The following CCT4 variants were observed in gnomAD, a reference collection of about 807,000 sequenced individuals.
CCT4 encodes the protein T-complex protein 1 subunit delta.
A neutral mutation model predicts 62.5 loss-of-function variants in CCT4; 17 were observed. That is an observed-to-expected ratio of 0.27 (90% CI 0.19 to 0.41). The LOEUF (loss-of-function observed/expected upper bound fraction) is 0.41, where lower values mean the gene tolerates loss of function less well. Among genes scored for constraint, CCT4 ranks in the 10% least tolerant of loss-of-function variants. The pLI is 1.00. For missense variants in CCT4, 592 were observed against 659.2 expected (o/e 0.90, Z 1.12); for synonymous variants, 250 against 229.9 (o/e 1.09, Z -0.79).
intron 12 of CCT4, among the ~76,000 whole-genome samples, chr2:61,871,875 GATTTA>G (rs1389958884): frequency 3.9e-5 from 6 of 152,200 alleles, no homozygotes; most frequent in Non-Finnish European, 7.4e-5. Context: ...GTAAGTGGCA[GATTTA>G]ATGAACAAAT....
chr2:61,878,753 A>G lies in CCT4; in HGVS notation c.522+116T>C, dbSNP rs189885985. The G allele has an allele frequency of 4.6e-4, 300 of 650,524 alleles. 1 individual carries two copies. Among genetic ancestry groups the G allele is most frequent in the African/African-American group, 4.0e-3 (217 of 54,678 alleles). The allele number at this position is 650,524 out of a possible 1,614,324, so 40.3% of individuals were successfully genotyped here. On this transcript the variant is annotated intron_variant, in intron 5 of 13. Transcript: ENST00000394440. ...TTAAACCAATTCAATTATACAGATT[A>G]TAACAGTTACCTAGCCACTCTTGAG...
chr2:61,888,527 G>A lies in CCT4; in HGVS notation c.-20C>T. On this transcript the variant is annotated 5_prime_UTR_variant, in exon 1 of 14. Transcript: ENST00000394440. Reference sequence around the variant, plus strand: ...GGGCATGGCAAACTCCGCTGTGTCTGGGTTGGCTCGGGAAGGACGGATGGA... The same window carrying A: ...GGGCATGGCAAACTCCGCTGTGTCTAGGTTGGCTCGGGAAGGACGGATGGA... The A allele has an allele frequency of 6.2e-7, 1 of 1,606,656 alleles. No homozygotes were observed. Among genetic ancestry groups the A allele is most frequent in the Non-Finnish European group, 8.5e-7 (1 of 1,176,482 alleles).
chr2:61,872,442 G>T lies in CCT4; in HGVS notation c.1256+16C>A. The T allele has an allele frequency of 6.3e-7, 1 of 1,594,960 alleles. No homozygotes were observed. The highest frequency in any genetic ancestry group is 8.6e-7 in the Non-Finnish European group (1 of 1,168,042). On this transcript the variant is annotated intron_variant, in intron 11 of 13. Coordinates refer to ENST00000394440, the MANE Select transcript of CCT4 (RefSeq NM_006430.4). ...AATGTTCAAAATGTTACTTAATAATGTAACACTGACATTACCTCTTCTTCA... is the reference window on the plus strand; with the variant it reads ...AATGTTCAAAATGTTACTTAATAATTTAACACTGACATTACCTCTTCTTCA...
chr2:61,888,306 A>T, intron 1 of CCT4, 75 bp downstream of exon 1: 1 of 1,538,266 alleles, frequency 6.5e-7, no homozygotes, highest in Non-Finnish European at 8.8e-7. Flanking sequence ...GAAATGAGCC[A>T]AACCCGCTCA....
intron 13 of CCT4, 68 bp downstream of exon 13, chr2:61,869,371 AC>A: frequency 1.1e-6 from 1 of 884,982 alleles, no homozygotes; most frequent in Admixed American, 2.0e-5. Flanking sequence ...AACAACAACA[AC>A]AAAAAACCTT....
intron 12 of CCT4, among the ~76,000 whole-genome samples, chr2:61,870,358 T>G (rs187720977): frequency 5.3e-5 from 8 of 152,320 alleles, no homozygotes; most frequent in African/African-American, 1.9e-4. Context: ...TCAACCCCAG[T>G]CTACTCTACA....
chr2:61,884,171 CATAATAG>C (rs1253526525), intron 2 of CCT4, among the ~76,000 whole-genome samples: 2 of 152,314 alleles, frequency 1.3e-5, no homozygotes, highest in Middle Eastern at 3.4e-3. Flanking sequence ...CACTTAACTA[CATAATAG>C]ATATCTATAT....
chr2:61,884,085 C>A (rs1669182196), intron 2 of CCT4, among the ~76,000 whole-genome samples: 1 of 147,450 alleles, frequency 6.8e-6, no homozygotes, highest in African/African-American at 2.4e-5. Context: ...CTCACAGAGA[C>A]CCACATTAAG....
Position 61,884,940 on chromosome 2 carries a change from G to C in CCT4, c.180+80C>G, listed in dbSNP as rs1166031542. The C allele has an allele frequency of 4.0e-6, 5 of 1,241,224 alleles. No individual in the cohort carries two copies. The highest frequency in any genetic ancestry group is 3.1e-5 in the African/African-American group (2 of 65,038). 76.9% of individuals were successfully genotyped at this position (1,241,224 alleles called of 1,614,324 possible). On this transcript the variant is annotated intron_variant, in intron 2 of 13. Transcript: ENST00000394440. ...CACGCCCAGCCCCACTTTTTAAACA[G>C]CACATCTAACCCTTCAACAAGATCT...
chr2:61,887,021 A>C (rs1669269138), intron 1 of CCT4, among the ~76,000 whole-genome samples: 2 of 152,066 alleles, frequency 1.3e-5, no homozygotes, highest in South Asian at 4.1e-4. Context: ...AGCCTCCCAA[A>C]TTGCTGGGAT....
intron 4 of CCT4, 123 bp downstream of exon 4, chr2:61,880,163 G>T: frequency 2.1e-6 from 1 of 485,026 alleles, no homozygotes; most frequent in Non-Finnish European, 3.6e-6. Flanking sequence ...AAAATTCTTG[G>T]TAAAAAGATT....
At chr2:61,880,940 G>A (rs1190430529) in intron 3 of CCT4, among the ~76,000 whole-genome samples, 1 of 152,058 alleles carries the variant, frequency 6.6e-6, no homozygotes, top group Non-Finnish European at 1.5e-5. Context: ...CCCTAGAATG[G>A]TCTTGAACTC....
chr2:61,879,818 C>A (rs945173136), intron 4 of CCT4, among the ~76,000 whole-genome samples: 2 of 151,726 alleles, frequency 1.3e-5, no homozygotes, highest in African/African-American at 4.8e-5. Flanking sequence ...TCTTGGCTCA[C>A]TGCAACCTCT....
intron 10 of CCT4, 79 bp from the exon 11 acceptor site, chr2:61,872,667 C>A: frequency 3.4e-6 from 5 of 1,451,442 alleles, no homozygotes; most frequent in Non-Finnish European, 4.7e-6. Context: ...GCGGCTCACG[C>A]CTGTAAACCC....
At chr2:61,885,401 C>T (rs978813693) in intron 1 of CCT4, among the ~76,000 whole-genome samples, 3 of 151,896 alleles carry the variant, frequency 2.0e-5, no homozygotes, top group Non-Finnish European at 4.4e-5. Context: ...TGTTAGTCAA[C>T]GTACACAGTA....
Position 61,869,533 on chromosome 2 carries a change from C to G in CCT4, c.1512G>C (p.Leu504Phe). 1.2e-6 allele frequency: 2 copies of G among 1,607,780 alleles called. No homozygotes were observed. Among genetic ancestry groups the G allele is most frequent in the Non-Finnish European group, 1.7e-6 (2 of 1,174,266 alleles). The change falls in exon 13 of 14, where the codon TTG becomes TTC. Residue 504 changes from leucine to phenylalanine, a missense_variant. Around this residue, in one of 3 missense-constraint regions of CCT4, gnomAD observed 522 missense variants for 571.2 expected, o/e 0.91. Transcript: ENST00000394440. Reference sequence around the variant, plus strand: ...ACAGAGGCTGGACAACCAGTTCCTCCAAAATGTTGGAAATACCACCCTGCA... The same window carrying G: ...ACAGAGGCTGGACAACCAGTTCCTCGAAAATGTTGGAAATACCACCCTGCA... ...NVRKGGISNILEELVVQPLLV... is the reference protein window; with the variant it reads ...NVRKGGISNIFEELVVQPLLV...
At chr2:61,878,846 G>C (rs1307792895) in intron 5 of CCT4, 23 bp downstream of exon 5, 1 of 1,566,890 alleles carries the variant, frequency 6.4e-7, no homozygotes, top group East Asian at 2.2e-5. Flanking sequence ...AATTTGACAA[G>C]TATCCGTTAG....
chr2:61,873,683 A>G (rs1336373149), intron 8 of CCT4, among the ~76,000 whole-genome samples: 1 of 151,964 alleles, frequency 6.6e-6, no homozygotes, highest in Non-Finnish European at 1.5e-5. Context: ...CTCCTGCCTC[A>G]GCCTCCCAAG....
intron 10 of CCT4, 138 bp downstream of exon 10, chr2:61,872,864 T>G (rs1668913388): frequency 2.9e-6 from 2 of 692,002 alleles, no homozygotes; most frequent in East Asian, 5.0e-5. Context: ...GAGGCGGAGC[T>G]TGTAGTGAGC....
Sources: gnomAD v4.1 joint callset for allele counts (sites outside exome capture counted in the v4.1 genomes callset) on GRCh38, gnomAD v4.1.1 for gene constraint, gnomAD v4.1.1 regional missense constraint, MANE v1.5 for transcripts, NCBI Gene and HGNC (gene_info 2026-07-23, HGNC 2026-07-21) for gene names.